PKN2: variants seen among roughly 807,000 people sequenced by gnomAD.
PKN2 encodes serine/threonine-protein kinase N2.
Under a neutral mutation model 119.1 loss-of-function variants are expected in PKN2, and 38 were observed. The observed-to-expected ratio is 0.32, with a 90% CI of 0.25 to 0.42. The LOEUF (loss-of-function observed/expected upper bound fraction) is 0.42. Among genes scored for constraint, PKN2 ranks in the 10% least tolerant of loss-of-function variants. The pLI is 1.00. For synonymous variants in PKN2, 390 were observed against 384.9 expected (o/e 1.01, Z -0.15); for missense variants, 850 against 1,165.1 (o/e 0.73, Z 3.94).
intron 1 of PKN2, among the ~76,000 whole-genome samples, chr1:88,737,814 G>T (rs1668416312): frequency 6.6e-6 from 1 of 152,154 alleles, no homozygotes; most frequent in Admixed American, 6.6e-5. Context: ...CCCCAAGTGG[G>T]CTGTGTCTCT....
At chr1:88,715,113 G>A (rs956934595) in intron 1 of PKN2, among the ~76,000 whole-genome samples, 3 of 152,104 alleles carry the variant, frequency 2.0e-5, no homozygotes, top group South Asian at 2.1e-4. Context: ...TTGCATCCCA[G>A]GGATGAAGCC....
At chr1:88,809,380 T>G (rs189852089) in intron 15 of PKN2, among the ~76,000 whole-genome samples, 218 of 152,342 alleles carry the variant, frequency 1.4e-3, no homozygotes, top group Admixed American at 2.2e-3. Context: ...GTCAAATGTT[T>G]TCCTTTCCTG....
chr1:88,779,024 A>G (rs767461632), intron 6 of PKN2, among the ~76,000 whole-genome samples: 4 of 152,292 alleles, frequency 2.6e-5, no homozygotes, highest in South Asian at 2.1e-4. Context: ...CGCCCAGCCA[A>G]AGATTTTCTA....
At chr1:88,796,417 C>G (rs1263475893) in intron 8 of PKN2, among the ~76,000 whole-genome samples, 1 of 152,168 alleles carries the variant, frequency 6.6e-6, no homozygotes. Context: ...AATTCTACTC[C>G]AAGTCATGCT....
At chr1:88,789,691 T>TAATAATAATAATAATAATAAC (rs887795312) in intron 8 of PKN2, among the ~76,000 whole-genome samples, 5 of 123,310 alleles carry the variant, frequency 4.1e-5, no homozygotes, top group East Asian at 2.5e-4. Context: ...ATAATAATAA[T>TAATAATAATAATAATAATAAC]AACAACAACA....
chr1:88,794,351 G>C (rs1157002062), intron 8 of PKN2, among the ~76,000 whole-genome samples: 1 of 146,750 alleles, frequency 6.8e-6, no homozygotes, highest in Non-Finnish European at 1.5e-5. Context: ...TGGGCAACAA[G>C]AGCGAAATTC....
rs1234706191 is a variant in PKN2 at position 88,834,406 on chromosome 1, G to C, written c.*958G>C. The C allele has an allele frequency of 2.6e-5, 4 of 152,400 alleles. No individual in the cohort carries two copies. The highest frequency in any genetic ancestry group is 5.9e-5 in the Non-Finnish European group (4 of 67,942). The allele number at this position is 152,400 out of a possible 1,614,324, so 9.4% of individuals were successfully genotyped here. ...TAGGGATTATCATTGTATACATGCTGTGAACATGTATATGTGCAAGTTTTA... is the reference window on the plus strand; with the variant it reads ...TAGGGATTATCATTGTATACATGCTCTGAACATGTATATGTGCAAGTTTTA... On this transcript the variant is annotated 3_prime_UTR_variant, in exon 22 of 22. Transcript: ENST00000370521.
At chr1:88,771,289 A>T (rs1269675524) in intron 4 of PKN2, 132 bp from the exon 5 acceptor site, 3 of 541,014 alleles carry the variant, frequency 5.5e-6, no homozygotes, top group Non-Finnish European at 9.5e-6. Flanking sequence ...AAATATTTTT[A>T]TTTCAGTGTT....
At chr1:88,770,732 T>C (rs55646230) in intron 4 of PKN2, among the ~76,000 whole-genome samples, 16,148 of 150,208 alleles carry the variant, frequency 0.11, 1,697 homozygotes, top group African/African-American at 0.29. Flanking sequence ...ACTACAGGCG[T>C]CCGCCACTAC....
chr1:88,826,181 T>C (rs1279335086), intron 18 of PKN2, among the ~76,000 whole-genome samples: 1 of 152,206 alleles, frequency 6.6e-6, no homozygotes, highest in African/African-American at 2.4e-5. Flanking sequence ...GACTGTGTCT[T>C]ACTCTCGTTT....
intron 19 of PKN2, among the ~76,000 whole-genome samples, chr1:88,832,516 AAG>A (rs1317669453): frequency 6.6e-6 from 1 of 152,028 alleles, no homozygotes; most frequent in African/African-American, 2.4e-5. Flanking sequence ...AGATTTCAGA[AAG>A]AGTATATGGT....
chr1:88,758,240 T>C (rs1483421038), intron 2 of PKN2, among the ~76,000 whole-genome samples: 2 of 152,140 alleles, frequency 1.3e-5, no homozygotes, highest in Non-Finnish European at 2.9e-5. Flanking sequence ...TATTTTACTC[T>C]AGGACAAATT....
chr1:88,820,719 A>T (rs1328434388), intron 16 of PKN2, among the ~76,000 whole-genome samples: 1 of 152,100 alleles, frequency 6.6e-6, no homozygotes, highest in East Asian at 1.9e-4. Flanking sequence ...TGAGATGGAG[A>T]TAGATGGATT....
intron 2 of PKN2, among the ~76,000 whole-genome samples, chr1:88,759,671 A>G (rs1669359283): frequency 6.6e-6 from 1 of 152,098 alleles, no homozygotes. Flanking sequence ...GAACCTCTTT[A>G]ATTTAATTAG....
intron 1 of PKN2, chr1:88,685,062 C>T (rs887001548): frequency 3.1e-5 from 5 of 161,880 alleles, no homozygotes; most frequent in African/African-American, 1.2e-4. Flanking sequence ...GAATGACTCC[C>T]AAGCTGTTTT....
intron 6 of PKN2, among the ~76,000 whole-genome samples, chr1:88,777,653 A>C (rs1232201369): frequency 1.3e-5 from 2 of 152,212 alleles, no homozygotes. Context: ...GTACACCAAA[A>C]TAAAATTCTA....
chr1:88,786,268 G>T, intron 8 of PKN2, 55 bp downstream of exon 8: 1 of 916,624 alleles, frequency 1.1e-6, no homozygotes, highest in Non-Finnish European at 1.7e-6. Flanking sequence ...TTAAATGTGA[G>T]TTATATTTTT....
At chr1:88,736,464 A>G (rs1363468637) in intron 1 of PKN2, among the ~76,000 whole-genome samples, 2 of 152,088 alleles carry the variant, frequency 1.3e-5, no homozygotes, top group Admixed American at 1.3e-4. Context: ...CTCAGGTTCA[A>G]GCAGTTCTCC....
intron 1 of PKN2, among the ~76,000 whole-genome samples, chr1:88,694,407 G>C (rs1376388261): frequency 1.3e-5 from 2 of 152,098 alleles, no homozygotes; most frequent in Admixed American, 6.5e-5. Flanking sequence ...CTTTCACTTA[G>C]AAATAAGCAT....
Sources: gnomAD v4.1 joint callset for allele counts (sites outside exome capture counted in the v4.1 genomes callset) on GRCh38, gnomAD v4.1.1 for gene constraint, MANE v1.5 for transcripts, NCBI Gene and HGNC (gene_info 2026-07-23, HGNC 2026-07-21) for gene names.